The following UBE2D3 variants were observed in gnomAD, a reference collection of about 807,000 sequenced individuals.
UBE2D3 encodes ubiquitin conjugating enzyme E2 D3.
A neutral mutation model predicts 22.8 loss-of-function variants in UBE2D3; 2 were observed. The observed-to-expected ratio is 0.09, with a 90% CI of 0.04 to 0.28. The LOEUF (loss-of-function observed/expected upper bound fraction) is 0.28. Ranked by LOEUF, UBE2D3 falls within the 10% of genes least tolerant of loss-of-function variation. The pLI, the probability that UBE2D3 is intolerant of heterozygous loss-of-function variation, is 1.00. For missense variants in UBE2D3, 27 were observed against 182.5 expected (o/e 0.15, Z 4.91); for synonymous variants, 56 against 60.4 (o/e 0.93, Z 0.34).
rs28534768 is a variant in UBE2D3 at position 102,827,341 on chromosome 4, G to T, written c.-129+86C>A. ...ACCCAATAGGCTGGCCGCTCAAGCC[G>T]CCCAGGTCCCGCACTGCCCCTCTTA... On this transcript the variant is annotated intron_variant, in intron 1 of 7. Transcript: ENST00000453744. 9.2e-6 allele frequency: 9 copies of T among 979,108 alleles called. No individual in the cohort carries two copies. The South Asian group carries it at 3.3e-4, about 36-fold the overall frequency. The allele number at this position is 979,108 out of a possible 1,614,324, so 60.7% of individuals were successfully genotyped here.
chr4:102,826,152 T>C (rs754540893), intron 2 of UBE2D3, among the ~76,000 whole-genome samples: 2 of 151,816 alleles, frequency 1.3e-5, no homozygotes, highest in Non-Finnish European at 2.9e-5. Flanking sequence ...TGCTGGAGCG[T>C]CTCTCCGCAA....
intron 2 of UBE2D3, chr4:102,811,761 A>G: frequency 2.2e-6 from 1 of 446,930 alleles, no homozygotes; most frequent in South Asian, 1.6e-5. Flanking sequence ...TGCCTAAATA[A>G]AAAAGATACA....
chr4:102,833,110 A>C (rs1020724947), intron 1 of UBE2D3, among the ~76,000 whole-genome samples: 5 of 152,004 alleles, frequency 3.3e-5, no homozygotes, highest in African/African-American at 1.2e-4. Flanking sequence ...CTACGAAACT[A>C]AAGTTTACAT....
chr4:102,842,254 AAAAAG>A (rs1191842158), intron 1 of UBE2D3, among the ~76,000 whole-genome samples: 3 of 152,094 alleles, frequency 2.0e-5, no homozygotes, highest in Non-Finnish European at 4.4e-5. Context: ...AAAAAAAAAA[AAAAAG>A]AGTCCTCTTT....
upstream of UBE2D3, chr4:102,827,800 G>A: frequency 2.0e-6 from 2 of 986,472 alleles, no homozygotes; most frequent in Non-Finnish European, 2.4e-6. Flanking sequence ...CATGAGCTGG[G>A]GGGAGGGTGA....
At chr4:102,830,302 T>G (rs1424484615), upstream of UBE2D3, among the ~76,000 whole-genome samples, 1 of 152,234 alleles carries the variant, frequency 6.6e-6, no homozygotes, top group Admixed American at 6.5e-5. Context: ...GGTAGAGATG[T>G]CCTCATTTGA....
At chr4:102,798,387 T>C (rs958728240) in intron 7 of UBE2D3, among the ~76,000 whole-genome samples, 10 of 151,046 alleles carry the variant, frequency 6.6e-5, no homozygotes, top group Admixed American at 2.7e-4. Flanking sequence ...CCTAAACTTT[T>C]TAAAAAGTTC....
intron 7 of UBE2D3, among the ~76,000 whole-genome samples, chr4:102,798,479 A>C (rs1725591987): frequency 6.6e-6 from 1 of 151,628 alleles, no homozygotes; most frequent in African/African-American, 2.4e-5. Flanking sequence ...TTTAGCATAC[A>C]GGGAGCCACA....
chr4:102,844,600 C>A (rs935251980), intron 1 of UBE2D3, among the ~76,000 whole-genome samples: 1 of 152,230 alleles, frequency 6.6e-6, no homozygotes, highest in Non-Finnish European at 1.5e-5. Context: ...TCTGGATCTA[C>A]TGTTAGCCAC....
chr4:102,811,778 A>C, intron 2 of UBE2D3: 1 of 449,960 alleles, frequency 2.2e-6, no homozygotes, highest in Non-Finnish European at 4.4e-6. Flanking sequence ...TACAACAGAG[A>C]AGCAGAGGCG....
chr4:102,828,285 C>G (rs192196461), upstream of UBE2D3: 127 of 984,962 alleles, frequency 1.3e-4, 2 homozygotes, highest in East Asian at 6.6e-3. Context: ...TAGTCTAGCT[C>G]GGGCCGGGAT....
At chr4:102,833,912 C>G (rs1293200614) in intron 1 of UBE2D3, among the ~76,000 whole-genome samples, 15 of 152,216 alleles carry the variant, frequency 9.9e-5, no homozygotes. Context: ...ACCTACCCCT[C>G]TGCCCGCCAG....
At chr4:102,853,398 C>T (rs1415876575) in intron 1 of UBE2D3, among the ~76,000 whole-genome samples, 1 of 152,030 alleles carries the variant, frequency 6.6e-6, no homozygotes, top group Non-Finnish European at 1.5e-5. Flanking sequence ...TTCAATGATA[C>T]TGTTTTTAAA....
At position 102,798,251 on chromosome 4, in the gene UBE2D3, C is replaced by CA. The variant is rs561532776; in HGVS notation, c.399-792dup. The stretch of plus-strand genomic sequence containing the variant: ...TCATGCCATAGACTACTTACAACAA[C>CA]AAAAAACAGTGATAACCTTAAGAAA... On this transcript the variant is annotated intron_variant, in intron 7 of 7. Coordinates refer to ENST00000453744, the MANE Select transcript of UBE2D3 (RefSeq NM_181891.3). Among the ~76,000 whole-genome samples, 175 of 92,784 alleles carry CA rather than the reference C, an allele frequency of 1.9e-3. No individual in the cohort carries two copies. In the Middle Eastern group the frequency reaches 0.027, roughly 15 times the overall value. 60.9% of individuals were successfully genotyped at this position (92,784 alleles called of 152,430 possible).
chr4:102,809,841 C>G lies in UBE2D3; in HGVS notation c.39G>C (p.Leu13Phe). The G allele has an allele frequency of 6.2e-7, 1 of 1,613,578 alleles. No homozygotes were observed. The highest frequency in any genetic ancestry group is 1.1e-5 in the South Asian group (1 of 91,022). ...LKRINKELSD[L>F]ARDPPAQCSA... ...AACATTGTGCTGGAGGGTCACGGGC[C>G]AAATCACTAAGTTCCTACACCAAGA... Residue 13 changes from leucine (L) to phenylalanine (F), a missense_variant, in exon 3 of 8, where the codon TTG becomes TTC. Coordinates refer to ENST00000453744, the MANE Select transcript of UBE2D3 (RefSeq NM_181891.3).
At chr4:102,832,675 C>CG (rs1277711451) in intron 1 of UBE2D3, among the ~76,000 whole-genome samples, 1 of 151,902 alleles carries the variant, frequency 6.6e-6, no homozygotes, top group Non-Finnish European at 1.5e-5. Context: ...TATTTGGGGG[C>CG]GGGGGGAATT....
At position 102,802,662 on chromosome 4, in the gene UBE2D3, A is replaced by C. The variant is rs141335642; in HGVS notation, c.121-24T>G. 593 of 1,544,262 alleles carry C rather than the reference A, an allele frequency of 3.8e-4. 3 individuals carry two copies. The African/African-American group carries it at 6.9e-3, about 18-fold the overall frequency. ...TTCTGTAAAAAGAAAAGTATGCTTA[A>C]CTCAAATTTAAAATATTATTGCTAA... On this transcript the variant is annotated intron_variant, in intron 4 of 7. Transcript: ENST00000453744.
At chr4:102,811,871 T>C (rs911598133) in intron 2 of UBE2D3, 1 of 387,720 alleles carries the variant, frequency 2.6e-6, no homozygotes, top group African/African-American at 2.2e-5. Flanking sequence ...AAAAAAAAAT[T>C]ACGATAAAGC....
At chr4:102,805,007 C>A (rs563508671) in intron 4 of UBE2D3, among the ~76,000 whole-genome samples, 3 of 152,204 alleles carry the variant, frequency 2.0e-5, no homozygotes, top group African/African-American at 4.8e-5. Context: ...GTTTTAATAA[C>A]CTAATTCCAG....
Sources: allele counts gnomAD v4.1 joint callset (sites outside exome capture counted in the v4.1 genomes callset), GRCh38; gene constraint gnomAD v4.1.1; transcripts MANE v1.5; gene names NCBI Gene and HGNC (gene_info 2026-07-23, HGNC 2026-07-21).